Variants in SMC1A observed in about 807,000 individuals in gnomAD.
The protein encoded by SMC1A is structural maintenance of chromosomes 1A.
SMC1A carries 4 observed loss-of-function variants against 94.5 expected under a neutral mutation model. The observed-to-expected ratio is 0.04, with a 90% confidence interval of 0.02 to 0.10. The LOEUF (loss-of-function observed/expected upper bound fraction) is 0.10. Ranked by LOEUF, SMC1A falls within the 10% of genes least tolerant of loss-of-function variation. The pLI, the probability that SMC1A is intolerant of heterozygous loss-of-function variation, is 1.00. For missense variants in SMC1A, 304 were observed against 989.0 expected (o/e 0.31, Z 9.29); for synonymous variants, 345 against 347.7 (o/e 0.99, Z 0.09).
At chrX:53,421,731 T>C (rs180694202) in intron 1 of SMC1A, among the ~76,000 whole-genome samples, 1 of 112,496 alleles carries the variant, frequency 8.9e-6, no homozygotes, top group Non-Finnish European at 1.9e-5. Context: ...GAATATAAGT[T>C]CCCTGTGAGC....
Position 53,422,637 on chromosome X carries a change from G to A in SMC1A, c.-37C>T, listed in dbSNP as rs782358760. 2.1e-6 allele frequency: 2 copies of A among 948,924 alleles called. No individual in the cohort carries two copies. Among genetic ancestry groups the A allele is most frequent in the Admixed American group, 2.2e-5 (1 of 45,604 alleles). 78.2% of individuals were successfully genotyped at this position (948,924 alleles called of 1,213,427 possible). A position where few individuals can be genotyped will look rare whatever the true frequency, so the allele number is the denominator to read the frequency against. On this transcript the variant is annotated 5_prime_UTR_variant, in exon 1 of 25. Coordinates refer to ENST00000322213, the MANE Select transcript of SMC1A (RefSeq NM_006306.4). ...CGCCGGCGGCAGTAGGACAGGCCGC[G>A]CCGTACGCCCGAGAACTGAGGTAGC...
At chrX:53,398,166 A>T (rs2075658673) in intron 16 of SMC1A, among the ~76,000 whole-genome samples, 1 of 101,628 alleles carries the variant, frequency 9.8e-6, no homozygotes, top group South Asian at 4.9e-4. Context: ...CTAGGAAACA[A>T]GATCAAAACT....
At chrX:53,396,861 G>A (rs1460730975) in intron 16 of SMC1A, among the ~76,000 whole-genome samples, 1 of 111,848 alleles carries the variant, frequency 8.9e-6, no homozygotes, top group Non-Finnish European at 1.9e-5. Flanking sequence ...AGTATTAAGT[G>A]GGGAATCACT....
intron 19 of SMC1A, among the ~76,000 whole-genome samples, chrX:53,385,528 C>T (rs1458927320): frequency 1.8e-5 from 2 of 109,799 alleles, no homozygotes; most frequent in East Asian, 5.7e-4. Flanking sequence ...CCCGCCTAGG[C>T]CTCCCAAAGT....
At position 53,405,681 on chromosome X, in the gene SMC1A, A is replaced by C; in HGVS notation, c.1732-9T>G. On this transcript the variant is annotated splice_polypyrimidine_tract_variant and intron_variant, in intron 10 of 24. Transcript: ENST00000322213. ...TCATCTGTAGGCTTCACCTGTGGGG[A>C]GAAGCTCAGTCAGTGGCAGAACACA... 1 of 1,210,678 alleles carries C rather than the reference A, an allele frequency of 8.3e-7. No homozygotes were observed. Among genetic ancestry groups the C allele is most frequent in the African/African-American group, 1.7e-5 (1 of 57,642 alleles).
chrX:53,422,158 A>C (rs1286974832), intron 1 of SMC1A: 1 of 839,132 alleles, frequency 1.2e-6, no homozygotes, highest in African/African-American at 2.1e-5. Flanking sequence ...TCCGGCGGGG[A>C]GCCGCGCGGC....
intron 19 of SMC1A, among the ~76,000 whole-genome samples, chrX:53,394,152 CAAA>C (rs55878070): frequency 2.3e-4 from 10 of 42,726 alleles, no homozygotes; most frequent in African/African-American, 4.5e-4. Flanking sequence ...AACTCCGTCT[CAAA>C]AAAAAAAAAA....
At chrX:53,409,035 G>A in intron 9 of SMC1A, 27 bp downstream of exon 9, 2 of 1,189,751 alleles carry the variant, frequency 1.7e-6, no homozygotes, top group Non-Finnish European at 1.1e-6. Context: ...TAAGTGCTCA[G>A]GAAATGAGTT....
At chrX:53,390,087 G>A (rs1265068053) in intron 19 of SMC1A, among the ~76,000 whole-genome samples, 3 of 104,988 alleles carry the variant, frequency 2.9e-5, no homozygotes, top group Non-Finnish European at 5.9e-5. Flanking sequence ...CTCATGATCC[G>A]CCTGCCTCGG....
rs1022965180 is a variant in SMC1A, at chrX:53,379,958, T to C, written c.*145A>G. The stretch of plus-strand genomic sequence containing the variant: ...CCAGACCTAACATCACCTCTGTTCC[T>C]CTTCATGCTTGATTAGCAGTGCCTA... On this transcript the variant is annotated 3_prime_UTR_variant, in exon 25 of 25. Coordinates refer to ENST00000322213, the MANE Select transcript of SMC1A (RefSeq NM_006306.4). 4.2e-5 allele frequency: 21 copies of C among 503,640 alleles called. No homozygotes were observed. The highest frequency in any genetic ancestry group is 7.2e-5 in the Non-Finnish European group (20 of 279,571). 41.5% of individuals were successfully genotyped at this position (503,640 alleles called of 1,213,427 possible).
intron 19 of SMC1A, among the ~76,000 whole-genome samples, chrX:53,383,961 A>G (rs906915833): frequency 1.8e-5 from 2 of 111,887 alleles, no homozygotes; most frequent in Admixed American, 9.5e-5. Context: ...CACAAGAAAG[A>G]CACCTAACTC....
At chrX:53,422,292 G>A (rs998179276) in intron 1 of SMC1A, among the ~76,000 whole-genome samples, 200 bp downstream of exon 1, 3 of 112,247 alleles carry the variant, frequency 2.7e-5, no homozygotes, top group Non-Finnish European at 5.6e-5. Flanking sequence ...CGCAGGAAGC[G>A]GCAAGTGACA....
chrX:53,402,156 T>C (rs1296521814), intron 15 of SMC1A, among the ~76,000 whole-genome samples: 2 of 111,402 alleles, frequency 1.8e-5, no homozygotes, highest in Non-Finnish European at 3.8e-5. Flanking sequence ...TCTATATCCC[T>C]TGAGACTGGC....
At chrX:53,390,209 C>T (rs1258264394) in intron 19 of SMC1A, among the ~76,000 whole-genome samples, 1 of 100,876 alleles carries the variant, frequency 9.9e-6, no homozygotes, top group Non-Finnish European at 2.0e-5. Context: ...GCGGGGGGGC[C>T]GGGCCCCATG....
In SMC1A at chrX:53,394,761, C is replaced by A; in HGVS notation, c.2973+17G>T. 1 of 903,450 alleles carries A rather than the reference C, an allele frequency of 1.1e-6. No homozygotes were observed. Among genetic ancestry groups the A allele is most frequent in the Non-Finnish European group, 1.6e-6 (1 of 620,626 alleles). 74.5% of individuals were successfully genotyped at this position (903,450 alleles called of 1,213,427 possible). A position where few individuals can be genotyped will look rare whatever the true frequency, so the allele number is the denominator to read the frequency against. ...CCCAACCCCCACCCCCACCACACCCCTGTGGTTGATCCTCACCTTCAGATC... is the reference window on the plus strand; with the variant it reads ...CCCAACCCCCACCCCCACCACACCCATGTGGTTGATCCTCACCTTCAGATC... On this transcript the variant is annotated intron_variant, in intron 19 of 24. Transcript: ENST00000322213.
At chrX:53,408,923 G>A in intron 9 of SMC1A, 139 bp downstream of exon 9, 1 of 549,677 alleles carries the variant, frequency 1.8e-6, no homozygotes, top group South Asian at 2.6e-5. Context: ...TAGAAGCGGT[G>A]CTTTTTTAAA....
intron 20 of SMC1A, 69 bp from the exon 21 acceptor site, chrX:53,382,729 G>T (rs2075589431): frequency 1.7e-6 from 2 of 1,143,546 alleles, no homozygotes; most frequent in African/African-American, 1.8e-5. Flanking sequence ...ACAATCCAGA[G>T]CAGGAACATC....
At chrX:53,410,706 C>T (rs1048645286) in intron 7 of SMC1A, among the ~76,000 whole-genome samples, 5 of 107,101 alleles carry the variant, frequency 4.7e-5, no homozygotes, top group African/African-American at 1.7e-4. Context: ...GAGGCTGAGG[C>T]AGGAGAATTG....
rs2075719125 is a variant in SMC1A, at chrX:53,412,962, C to T, written c.792G>A (p.Lys264=). The change falls in exon 5 of 25, where the codon AAG becomes AAA. Residue 264 remains lysine (K), a synonymous_variant. Coordinates refer to ENST00000322213, the MANE Select transcript of SMC1A (RefSeq NM_006306.4). ...KRMDKVEDEL[K]EKKKELGKMM... ...TTTTGCCCAGCTCCTTCTTCTTCTC[C>T]TTCAGTTCATCCTCCACCTTGTCCA... 2 of 1,193,799 alleles carry T rather than the reference C, an allele frequency of 1.7e-6. No homozygotes were observed. The highest frequency in any genetic ancestry group is 2.2e-5 in the Admixed American group (1 of 45,767).
Sources: gnomAD v4.1 joint callset for allele counts (sites outside exome capture counted in the v4.1 genomes callset) on GRCh38, gnomAD v4.1.1 for gene constraint, MANE v1.5 for transcripts, NCBI Gene and HGNC (gene_info 2026-07-23, HGNC 2026-07-21) for gene names.